The following DNAJC17 variants were observed in gnomAD, a reference collection of about 807,000 sequenced individuals.
DNAJC17 encodes dnaJ homolog subfamily C member 17.
In DNAJC17, 35 loss-of-function variants were observed where a neutral mutation model predicts 48.1. The ratio of observed to expected loss-of-function variants is 0.73; its 90% CI spans 0.56 to 0.96. DNAJC17 has a LOEUF of 0.96. DNAJC17 is among the 50% of genes least tolerant of loss of function. The probability of loss-of-function intolerance (pLI) is 0.00; values close to 1 mark genes in which losing one functional copy is unlikely to be tolerated. For synonymous variants in DNAJC17, 117 were observed against 142.7 expected (o/e 0.82, Z 1.28); for missense variants, 355 against 377.1 (o/e 0.94, Z 0.48).
At chr15:40,781,956 G>A (rs982792941) in intron 1 of DNAJC17, among the ~76,000 whole-genome samples, 1 of 152,080 alleles carries the variant, frequency 6.6e-6, no homozygotes, top group Non-Finnish European at 1.5e-5. Flanking sequence ...AGGTGTGGTG[G>A]TGCATGCCTG....
intron 1 of DNAJC17, among the ~76,000 whole-genome samples, chr15:40,799,322 C>G (rs982292433): frequency 2.6e-5 from 4 of 151,560 alleles, no homozygotes; most frequent in African/African-American, 9.7e-5. Flanking sequence ...AAACCCAGGT[C>G]CTCAACTTAA....
chr15:40,774,380 C>T lies in DNAJC17; in HGVS notation c.657G>A (p.Val219=). Residue 219 remains valine (V), a synonymous_variant, in exon 9 of 11, where the codon GTG becomes GTA. Coordinates refer to ENST00000220496, the MANE Select transcript of DNAJC17 (RefSeq NM_018163.3). ...CCGCTGCCTTGACGGTTGCAAACTC[C>T]ACCACAGCAGTGCCTGGCTTCTTAC... ...LSSKKPGTAV[V]EFATVKAAEL... 1 of 1,614,062 alleles carries T rather than the reference C, an allele frequency of 6.2e-7. No individual in the cohort carries two copies. The highest frequency in any genetic ancestry group is 8.5e-7 in the Non-Finnish European group (1 of 1,180,036).
chr15:40,771,148 T>A, intron 10 of DNAJC17: 1 of 884,438 alleles, frequency 1.1e-6, no homozygotes, highest in Non-Finnish European at 1.7e-6. Context: ...TTCTTCATCC[T>A]GGGGGAGGAT....
chr15:40,768,946 C>G (rs555841510), intron 10 of DNAJC17, among the ~76,000 whole-genome samples: 1 of 152,368 alleles, frequency 6.6e-6, no homozygotes, highest in East Asian at 1.9e-4. Flanking sequence ...AGCTGTGGGG[C>G]CCTGATCCGC....
intron 7 of DNAJC17, 95 bp downstream of exon 7, chr15:40,775,458 C>G: frequency 7.1e-7 from 1 of 1,404,648 alleles, no homozygotes; most frequent in Non-Finnish European, 1.0e-6. Flanking sequence ...ATCCAGCAGC[C>G]CCACCAGAAA....
Position 40,768,072 on chromosome 15 carries a change from AGGGCAGGGACAGGGAGG to A in DNAJC17, c.793-27_793-11del. ...CTGACAGCACTGAGCCCTGTCGGAC[AGGGCAGGGACAGGGAGG>A]GGTCAGGGACAGCAGGGCACAGCCT... On this transcript the variant is annotated splice_polypyrimidine_tract_variant and intron_variant, in intron 10 of 10. Coordinates refer to ENST00000220496, the MANE Select transcript of DNAJC17 (RefSeq NM_018163.3). 6.5e-7 allele frequency: 1 copy of A among 1,548,588 alleles called. No individual in the cohort carries two copies. Among genetic ancestry groups the A allele is most frequent in the South Asian group, 1.2e-5 (1 of 80,792 alleles).
At chr15:40,801,235 G>A (rs1303107856) in intron 1 of DNAJC17, among the ~76,000 whole-genome samples, 2 of 152,102 alleles carry the variant, frequency 1.3e-5, no homozygotes, top group Non-Finnish European at 2.9e-5. Flanking sequence ...GAGTGCAGAG[G>A]GGATTAAGGC....
chr15:40,767,698 T>C lies in DNAJC17; in HGVS notation c.*242A>G. 1.6e-6 allele frequency: 1 copy of C among 627,330 alleles called. No individual in the cohort carries two copies. The highest frequency in any genetic ancestry group is 2.7e-6 in the Non-Finnish European group (1 of 376,990). The allele number at this position is 627,330 out of a possible 1,614,324, so 38.9% of individuals were successfully genotyped here. ...TAGCTAGCCCAAGCCAATAAAGGGC[T>C]GTGATGAGTGGCTGCGCCTGTGCTC... is the stretch of plus-strand genomic sequence containing the variant. On this transcript the variant is annotated 3_prime_UTR_variant, in exon 11 of 11. Coordinates refer to ENST00000220496, the MANE Select transcript of DNAJC17 (RefSeq NM_018163.3).
At chr15:40,773,878 C>A in intron 9 of DNAJC17, 41 bp from the exon 10 acceptor site, 2 of 1,570,624 alleles carry the variant, frequency 1.3e-6, no homozygotes, top group Non-Finnish European at 8.7e-7. Context: ...TCCGTTGAGT[C>A]AGCTATAAAG....
In DNAJC17 at chr15:40,774,235, T is replaced by C. The variant is rs1889251891; in HGVS notation, c.681+121A>G. Reference sequence around the variant, plus strand: ...GGGCCCCTGGGAAGAGCCTTGGCTCTAAGCTGGCCTGGAGATTCCCTAGGA... The same window carrying C: ...GGGCCCCTGGGAAGAGCCTTGGCTCCAAGCTGGCCTGGAGATTCCCTAGGA... On this transcript the variant is annotated intron_variant, in intron 9 of 10. Coordinates refer to ENST00000220496, the MANE Select transcript of DNAJC17 (RefSeq NM_018163.3). The C allele has an allele frequency of 3.4e-6, 4 of 1,162,942 alleles. No individual in the cohort carries two copies. In the Admixed American group the frequency reaches 6.0e-5, roughly 17 times the overall value. The allele number at this position is 1,162,942 out of a possible 1,614,324, so 72.0% of individuals were successfully genotyped here.
In DNAJC17 at chr15:40,769,138, A is replaced by T. The variant is rs1889045942; in HGVS notation, c.793-1076T>A. Among the ~76,000 whole-genome samples the T allele has an allele frequency of 6.6e-6, 1 of 152,174 alleles. No individual in the cohort carries two copies. Among genetic ancestry groups the T allele is most frequent in the African/African-American group, 2.4e-5 (1 of 41,456 alleles). ...AGCCTGGGTTCCCCTGTTCCTCCCG[A>T]TGGCTGCACCCCTCCCCTCTCCCCG... On this transcript the variant is annotated intron_variant, in intron 10 of 10. Transcript: ENST00000220496. This position sits in a 1 kb window ranked among gnomAD's most constrained non-coding sequence, Gnocchi z 4.2.
intron 1 of DNAJC17, among the ~76,000 whole-genome samples, chr15:40,789,402 C>G (rs1446072129): frequency 6.6e-6 from 1 of 151,854 alleles, no homozygotes; most frequent in East Asian, 1.9e-4. Context: ...CTTCCCCAAA[C>G]CAGCCCACTT....
chr15:40,775,511 G>A (rs765589769), intron 7 of DNAJC17, 42 bp downstream of exon 7: 34 of 1,605,326 alleles, frequency 2.1e-5, no homozygotes, highest in Non-Finnish European at 2.6e-5. Flanking sequence ...GAGGGGAGGC[G>A]GTGTGAGTGT....
chr15:40,769,580 G>T lies in DNAJC17; in HGVS notation c.793-1518C>A, dbSNP rs543407315. Among the ~76,000 whole-genome samples, 6 of 152,334 alleles carry T rather than the reference G, an allele frequency of 3.9e-5. No homozygotes were observed. The highest frequency in any genetic ancestry group is 1.4e-4 in the African/African-American group (6 of 41,578). On this transcript the variant is annotated intron_variant, in intron 10 of 10. Transcript: ENST00000220496. This position sits in a 1 kb window ranked among gnomAD's most constrained non-coding sequence, Gnocchi z 4.2. ...TAACACACCCTCTGCCCCCCTTCCT[G>T]TTCCTGCTCGTGAGGGCCTGACAGC...
intron 1 of DNAJC17, among the ~76,000 whole-genome samples, chr15:40,801,612 G>A (rs1053137024): frequency 3.3e-5 from 5 of 151,982 alleles, no homozygotes; most frequent in Admixed American, 3.3e-4. Context: ...AATTAGCCGG[G>A]CGTGGTGGCG....
At chr15:40,791,087 T>C (rs1254863205) in intron 1 of DNAJC17, among the ~76,000 whole-genome samples, 6 of 151,956 alleles carry the variant, frequency 3.9e-5, no homozygotes, top group Non-Finnish European at 8.8e-5. Context: ...CCTGTAATCC[T>C]AGCACTTTTG....
intron 1 of DNAJC17, among the ~76,000 whole-genome samples, chr15:40,782,273 T>A (rs989359018): frequency 6.6e-6 from 1 of 151,618 alleles, no homozygotes; most frequent in Non-Finnish European, 1.5e-5. Flanking sequence ...AATAAAAAAT[T>A]AGCCAGGCAT....
At chr15:40,806,300 C>A (rs1890221712) in intron 1 of DNAJC17, among the ~76,000 whole-genome samples, 1 of 149,848 alleles carries the variant, frequency 6.7e-6, no homozygotes. Flanking sequence ...CTCACTGCAA[C>A]CTCCGCCTCC....
intron 1 of DNAJC17, among the ~76,000 whole-genome samples, chr15:40,805,653 A>G (rs1596106202): frequency 6.6e-6 from 1 of 150,448 alleles, no homozygotes; most frequent in South Asian, 2.1e-4. Context: ...CCACGGTGAA[A>G]CCCCGTCTCT....
Sources: allele counts gnomAD v4.1 joint callset (sites outside exome capture counted in the v4.1 genomes callset), GRCh38; gene constraint gnomAD v4.1.1; non-coding constraint Gnocchi (gnomAD v3.1); transcripts MANE v1.5; gene names NCBI Gene and HGNC (gene_info 2026-07-23, HGNC 2026-07-21).